ACOT12: variants seen among roughly 807,000 people sequenced by gnomAD.
The protein encoded by ACOT12 is acetyl-coenzyme A thioesterase.
ACOT12 carries 51 observed loss-of-function variants against 67.7 expected under a neutral mutation model. That is an observed-to-expected ratio of 0.75 (90% CI 0.60 to 0.95). The LOEUF (loss-of-function observed/expected upper bound fraction) is 0.95. Among genes scored for constraint, ACOT12 ranks in the 40% least tolerant of loss-of-function variants. The pLI is 0.00. For synonymous variants in ACOT12, 251 were observed against 244.6 expected (o/e 1.03, Z -0.24); for missense variants, 734 against 708.1 (o/e 1.04, Z -0.41).
chr5:81,378,520 A>C (rs1477390989), intron 2 of ACOT12, among the ~76,000 whole-genome samples: 1 of 152,210 alleles, frequency 6.6e-6, no homozygotes, highest in African/African-American at 2.4e-5. Flanking sequence ...TCTGCCAAGC[A>C]AAAGAAACTA....
intron 1 of ACOT12, among the ~76,000 whole-genome samples, chr5:81,389,006 CTT>C: frequency 6.6e-6 from 1 of 152,314 alleles, no homozygotes; most frequent in Admixed American, 6.5e-5. Flanking sequence ...CGTTAAATCT[CTT>C]TTTCTTTATA....
chr5:81,367,233 T>C (rs937192487), intron 3 of ACOT12, among the ~76,000 whole-genome samples: 10 of 152,190 alleles, frequency 6.6e-5, no homozygotes, highest in African/African-American at 2.2e-4. Flanking sequence ...CATCTGGAGA[T>C]ACACAATACG....
rs145253542 is a variant in ACOT12, at chr5:81,337,160, C to T, written c.1129-1259G>A. On this transcript the variant is annotated intron_variant, in intron 11 of 14. Coordinates refer to ENST00000307624, the MANE Select transcript of ACOT12 (RefSeq NM_130767.3). ...ATTGGTGTATATCCAGAGAGATTAT[C>T]AGATTCATCAGTCATCCAATCGGTG... Among the ~76,000 whole-genome samples the T allele has an allele frequency of 1.5e-3, 224 of 152,298 alleles. 1 individual carries two copies. The highest frequency in any genetic ancestry group is 5.1e-3 in the African/African-American group (210 of 41,554).
chr5:81,335,982 A>G (rs1580531078), intron 11 of ACOT12, 81 bp from the exon 12 acceptor site: 1 of 1,406,060 alleles, frequency 7.1e-7, no homozygotes, highest in East Asian at 2.4e-5. Context: ...ATATGTAGTC[A>G]TAGACCAATT....
At chr5:81,377,982 C>T (rs924143670) in intron 2 of ACOT12, among the ~76,000 whole-genome samples, 2 of 152,136 alleles carry the variant, frequency 1.3e-5, no homozygotes, top group African/African-American at 4.8e-5. Flanking sequence ...ATTGGATAAA[C>T]TACTTTAAAT....
chr5:81,369,169 TCA>T (rs2153855864), intron 3 of ACOT12, among the ~76,000 whole-genome samples: 1 of 151,072 alleles, frequency 6.6e-6, no homozygotes, highest in Non-Finnish European at 1.5e-5. Flanking sequence ...AAAAAAAAAC[TCA>T]CACTCATATA....
intron 7 of ACOT12, among the ~76,000 whole-genome samples, chr5:81,345,299 G>T (rs1759346365): frequency 6.6e-6 from 1 of 152,292 alleles, no homozygotes; most frequent in African/African-American, 2.4e-5. Flanking sequence ...AAAAGGCCAG[G>T]AAGGGCTTTA....
chr5:81,315,130 C>T, the ACOT12 span, among the ~76,000 whole-genome samples: 102 of 152,340 alleles, frequency 6.7e-4, no homozygotes, highest in African/African-American at 2.3e-3. Context: ...TTTCACCTGC[C>T]TCCTGAATGT....
At chr5:81,368,535 A>T (rs912273387) in intron 3 of ACOT12, among the ~76,000 whole-genome samples, 1 of 152,180 alleles carries the variant, frequency 6.6e-6, no homozygotes, top group Non-Finnish European at 1.5e-5. Context: ...AATCAAAAAC[A>T]TAAAGATGTA....
At chr5:81,380,770 T>G (rs773446258) in intron 2 of ACOT12, among the ~76,000 whole-genome samples, 1 of 152,096 alleles carries the variant, frequency 6.6e-6, no homozygotes, top group Non-Finnish European at 1.5e-5. Context: ...CTAAAAGGAA[T>G]GATGAATATC....
rs1338748004 is a variant in ACOT12 at position 81,330,832 on chromosome 5, A to G, written c.1500T>C (p.Ile500=). Residue 500 remains isoleucine (I), a synonymous_variant, in exon 14 of 15, where the codon ATT becomes ATC. Coordinates refer to ENST00000307624, the MANE Select transcript of ACOT12 (RefSeq NM_130767.3). ...IICAGFLIHA[I]DSNSCIVSYF... ...AACTTACGATGCATGAATTGCTGTCAATAGCATGGATGAGAAATCCGGCAC... is the reference window on the plus strand; with the variant it reads ...AACTTACGATGCATGAATTGCTGTCGATAGCATGGATGAGAAATCCGGCAC... 35 of 1,613,924 alleles carry G rather than the reference A, an allele frequency of 2.2e-5. No individual in the cohort carries two copies. Among genetic ancestry groups the G allele is most frequent in the Non-Finnish European group, 3.0e-5 (35 of 1,179,992 alleles).
At chr5:81,326,849 G>T (rs770248676), downstream of ACOT12, among the ~76,000 whole-genome samples, 2 of 152,168 alleles carry the variant, frequency 1.3e-5, no homozygotes, top group Non-Finnish European at 2.9e-5. Context: ...CACTCAGCAA[G>T]AATGTGCAAG....
Position 81,343,853 on chromosome 5 carries a change from C to A in ACOT12, c.1009G>T (p.Val337Phe), listed in dbSNP as rs1351367738. The change falls in exon 10 of 15, where the codon GTT becomes TTT. Residue 337 changes from valine (V) to phenylalanine (F), a missense_variant. Coordinates refer to ENST00000307624, the MANE Select transcript of ACOT12 (RefSeq NM_130767.3). ...RKYVISHKEE[V>F]PLCIHWDISK... The stretch of plus-strand genomic sequence containing the variant: ...ATATCCCAGTGTATGCAAAGTGGAA[C>A]CTCTTCTTTGTGGGAAATAACATAT... 4 of 1,613,338 alleles carry A rather than the reference C, an allele frequency of 2.5e-6. No homozygotes were observed. Among genetic ancestry groups the A allele is most frequent in the Non-Finnish European group, 3.4e-6 (4 of 1,179,816 alleles).
At chr5:81,345,800 T>G (rs780158150) in intron 7 of ACOT12, 85 bp downstream of exon 7, 11 of 1,550,004 alleles carry the variant, frequency 7.1e-6, no homozygotes, top group Admixed American at 1.7e-5. Context: ...CTAAAGTAGT[T>G]CCCATACTCA....
intron 1 of ACOT12, among the ~76,000 whole-genome samples, chr5:81,389,335 T>C (rs1187317515): frequency 6.6e-6 from 1 of 152,046 alleles, no homozygotes; most frequent in Non-Finnish European, 1.5e-5. Context: ...TGGTTCAAAG[T>C]TTTTGTAATT....
At chr5:81,341,771 T>C (rs1759200053) in intron 11 of ACOT12, among the ~76,000 whole-genome samples, 1 of 152,166 alleles carries the variant, frequency 6.6e-6, no homozygotes, top group African/African-American at 2.4e-5. Flanking sequence ...AAATGATGTA[T>C]GTCTCTTTAA....
chr5:81,394,087 C>A lies in ACOT12; in HGVS notation c.28G>T (p.Val10Phe). 6.8e-7 allele frequency: 1 copy of A among 1,463,052 alleles called. No individual in the cohort carries two copies. Among genetic ancestry groups the A allele is most frequent in the South Asian group, 1.3e-5 (1 of 75,564 alleles). The allele number at this position is 1,463,052 out of a possible 1,614,324, so 90.6% of individuals were successfully genotyped here. Reference protein sequence around the residue: MERPAPGEVVMSQAIQPAHA... With the variant: MERPAPGEVFMSQAIQPAHA... ...GCCGGCTGGATGGCTTGGCTCATGA[C>A]CACCTCGCCGGGCGCCGGCCGCTCC... The change falls in exon 1 of 15, where the codon GTC becomes TTC. Residue 10 changes from valine to phenylalanine, a missense_variant. Physicochemically the swap from Val to Phe is conservative, Grantham distance 50. Coordinates refer to ENST00000307624, the MANE Select transcript of ACOT12 (RefSeq NM_130767.3).
rs1279483282 is a variant in ACOT12, at chr5:81,330,348, G to C, written c.*46C>G. 6.3e-7 allele frequency: 1 copy of C among 1,590,696 alleles called. No homozygotes were observed. On this transcript the variant is annotated 3_prime_UTR_variant, in exon 15 of 15. Transcript: ENST00000307624. ...CAGATGTCAGGGCTAAGGGTGCTTG[G>C]AATTAAAAGTGGGAAATTAAATTAC...
At chr5:81,342,190 T>C (rs1042272578) in intron 11 of ACOT12, among the ~76,000 whole-genome samples, 3 of 152,110 alleles carry the variant, frequency 2.0e-5, no homozygotes, top group Non-Finnish European at 2.9e-5. Context: ...GGGGTCTCAT[T>C]GTTTTGCCTG....
Sources: allele counts gnomAD v4.1 joint callset (sites outside exome capture counted in the v4.1 genomes callset), GRCh38; gene constraint gnomAD v4.1.1; transcripts MANE v1.5; gene names NCBI Gene and HGNC (gene_info 2026-07-23, HGNC 2026-07-21).